RBFOX1: variants seen among roughly 807,000 people sequenced by gnomAD.
The protein encoded by RBFOX1 is RNA binding protein fox-1 homolog 1.
In RBFOX1, 8 loss-of-function variants were observed where a neutral mutation model predicts 57.7. That is an observed-to-expected ratio of 0.14 (90% CI 0.08 to 0.25). RBFOX1 has a LOEUF of 0.25. Among genes scored for constraint, RBFOX1 ranks in the 10% least tolerant of loss-of-function variants. The probability of loss-of-function intolerance (pLI) is 1.00; values close to 1 mark genes in which losing one functional copy is unlikely to be tolerated. For missense variants in RBFOX1, 611 were observed against 548.5 expected, an observed-to-expected ratio of 1.11 and a Z score of -1.14; for synonymous variants, 326 against 222.4, an observed-to-expected ratio of 1.47 and a Z score of -4.15.
At chr16:5,782,987 C>T (rs1002287515) in intron 3 of RBFOX1, among the ~76,000 whole-genome samples, 7 of 152,152 alleles carry the variant, frequency 4.6e-5, no homozygotes, top group Non-Finnish European at 8.8e-5. Context: ...TTCACTTTGT[C>T]GAGTCCACTG....
chr16:5,554,947 T>C (rs997265026), intron 2 of RBFOX1, among the ~76,000 whole-genome samples: 1 of 152,162 alleles, frequency 6.6e-6, no homozygotes, highest in South Asian at 2.1e-4. Context: ...GGATGCAGAG[T>C]TGTATTTCCA....
intron 2 of RBFOX1, among the ~76,000 whole-genome samples, chr16:5,472,892 C>T (rs918022299): frequency 7.9e-5 from 12 of 152,282 alleles, no homozygotes; most frequent in South Asian, 4.1e-4. Flanking sequence ...CTCAGGTTGT[C>T]GTAGGGGATC....
intron 4 of RBFOX1, among the ~76,000 whole-genome samples, chr16:7,450,192 G>C (rs948450648): frequency 6.6e-6 from 1 of 152,010 alleles, no homozygotes; most frequent in Non-Finnish European, 1.5e-5. Flanking sequence ...TCAGGGGATC[G>C]AGATCATCCT....
At chr16:6,455,567 C>T (rs2094749991) in intron 2 of RBFOX1, among the ~76,000 whole-genome samples, 1 of 152,174 alleles carries the variant, frequency 6.6e-6, no homozygotes, top group South Asian at 2.1e-4. Context: ...CACCATAAAA[C>T]TATGACACAC....
At chr16:7,261,304 G>T (rs2094910206) in intron 4 of RBFOX1, among the ~76,000 whole-genome samples, 1 of 152,130 alleles carries the variant, frequency 6.6e-6, no homozygotes, top group South Asian at 2.1e-4. Flanking sequence ...TGAATGGCAG[G>T]TTCTCAATAA....
intron 4 of RBFOX1, among the ~76,000 whole-genome samples, chr16:7,296,818 T>G (rs1453979090): frequency 5.9e-5 from 9 of 152,176 alleles, no homozygotes; most frequent in Admixed American, 5.9e-4. Context: ...GGAGCTAGTT[T>G]GCAGCAGTTC....
chr16:6,390,464 G>T (rs1470044306), intron 2 of RBFOX1, among the ~76,000 whole-genome samples: 1 of 151,946 alleles, frequency 6.6e-6, no homozygotes, highest in Admixed American at 6.6e-5. Context: ...AGTGTGCCGG[G>T]CACTGTGTTT....
At chr16:7,508,740 A>C (rs1369639598) in intron 4 of RBFOX1, among the ~76,000 whole-genome samples, 1 of 152,120 alleles carries the variant, frequency 6.6e-6, no homozygotes, top group African/African-American at 2.4e-5. Context: ...AAAACAGACA[A>C]GCAGAAAGGT....
At chr16:5,950,084 G>A (rs1323168796) in intron 4 of RBFOX1, among the ~76,000 whole-genome samples, 1 of 152,184 alleles carries the variant, frequency 6.6e-6, no homozygotes, top group Non-Finnish European at 1.5e-5. Context: ...CTTATTTAAG[G>A]CAGTGTCCTC....
intron 1 of RBFOX1, among the ~76,000 whole-genome samples, chr16:5,316,261 C>A (rs947963293): frequency 6.6e-6 from 1 of 152,232 alleles, no homozygotes; most frequent in African/African-American, 2.4e-5. Flanking sequence ...AAGATCTGTG[C>A]CTTCTCAGAT....
chr16:7,460,389 A>ATATATATATATATATATATATATATATG, intron 4 of RBFOX1, among the ~76,000 whole-genome samples: 10 of 87,204 alleles, frequency 1.1e-4, no homozygotes, highest in Middle Eastern at 5.4e-3. Flanking sequence ...ATATATATAT[A>ATATATATATATATATATATATATATATG]TGTGTGTGTG....
Position 7,540,688 on chromosome 16 carries a change from T to C in RBFOX1, c.270+22299T>C, listed in dbSNP as rs573865562. The stretch of plus-strand genomic sequence containing the variant: ...CTTCAGGCTTAACCGTTAGTACTTC[T>C]GGTTGTCTCTTCTTGAATGAGAAAT... On this transcript the variant is annotated intron_variant, in intron 5 of 15. Coordinates refer to ENST00000550418, the MANE Select transcript of RBFOX1 (RefSeq NM_018723.4). Among the ~76,000 whole-genome samples the C allele has an allele frequency of 4.6e-5, 7 of 152,312 alleles. No individual in the cohort carries two copies. The East Asian group carries it at 1.4e-3, about 29-fold the overall frequency.
intron 2 of RBFOX1, among the ~76,000 whole-genome samples, chr16:5,481,874 A>T (rs184582110): frequency 6.6e-6 from 1 of 152,168 alleles, no homozygotes; most frequent in Non-Finnish European, 1.5e-5. Flanking sequence ...TGTCCTAATC[A>T]AAGGATGCCA....
In RBFOX1 at chr16:7,622,194, T is replaced by C. The variant is rs183117048; in HGVS notation, c.677-8409T>C. Among the ~76,000 whole-genome samples the C allele has an allele frequency of 6.2e-4, 94 of 152,224 alleles. 1 individual carries two copies. The highest frequency in any genetic ancestry group is 2.1e-3 in the African/African-American group (86 of 41,520). On this transcript the variant is annotated intron_variant, in intron 10 of 15. Coordinates refer to ENST00000550418, the MANE Select transcript of RBFOX1 (RefSeq NM_018723.4). Reference sequence around the variant, plus strand: ...GTCCAGGAATCTGGTTGGTATGACTTGCAGTTTCAGCATCACGAGATCTGT... The same window carrying C: ...GTCCAGGAATCTGGTTGGTATGACTCGCAGTTTCAGCATCACGAGATCTGT...
At chr16:5,788,418 C>T (rs115128408) in intron 3 of RBFOX1, among the ~76,000 whole-genome samples, 3,365 of 152,210 alleles carry the variant, frequency 0.022, 113 homozygotes, top group African/African-American at 0.076. Flanking sequence ...CACCTGATCT[C>T]AGGAGTTTGA....
intron 4 of RBFOX1, among the ~76,000 whole-genome samples, chr16:7,136,958 A>T (rs1204440324): frequency 6.6e-6 from 1 of 152,224 alleles, no homozygotes; most frequent in Non-Finnish European, 1.5e-5. Context: ...CCCATGGGCC[A>T]GGACTGGATG....
chr16:7,443,428 C>T (rs866072331), intron 4 of RBFOX1, among the ~76,000 whole-genome samples: 6 of 151,830 alleles, frequency 4.0e-5, no homozygotes, highest in Middle Eastern at 3.4e-3. Context: ...AGAGCTCCCC[C>T]TCCCCTCTTT....
intron 3 of RBFOX1, among the ~76,000 whole-genome samples, chr16:7,039,049 T>A (rs963967227): frequency 4.3e-5 from 2 of 46,552 alleles, no homozygotes; most frequent in African/African-American, 2.1e-4. Flanking sequence ...TAAAGGAATA[T>A]CAGAAGTGCT....
At chr16:6,934,893 C>G (rs926390084) in intron 3 of RBFOX1, among the ~76,000 whole-genome samples, 2 of 151,938 alleles carry the variant, frequency 1.3e-5, no homozygotes, top group Non-Finnish European at 2.9e-5. Context: ...TGAGACTAGC[C>G]TAGGCAACAT....
Sources: allele counts gnomAD v4.1 joint callset (sites outside exome capture counted in the v4.1 genomes callset), GRCh38; gene constraint gnomAD v4.1.1; transcripts MANE v1.5; gene names NCBI Gene and HGNC (gene_info 2026-07-23, HGNC 2026-07-21).